The following CNTNAP2 variants were observed in gnomAD, a reference collection of about 807,000 sequenced individuals.
CNTNAP2 encodes the protein contactin-associated protein-like 2.
CNTNAP2 carries 98 observed loss-of-function variants against 155.2 expected under a neutral mutation model. The observed-to-expected ratio is 0.63, with a 90% confidence interval of 0.54 to 0.75. CNTNAP2 has a LOEUF of 0.75. CNTNAP2 is among the 30% of genes least tolerant of loss of function. The pLI, the probability that CNTNAP2 is intolerant of heterozygous loss-of-function variation, is 0.00. For synonymous variants in CNTNAP2, 651 were observed against 631.2 expected (o/e 1.03, Z -0.47); for missense variants, 1,727 against 1,688.1 (o/e 1.02, Z -0.40).
intron 15 of CNTNAP2, among the ~76,000 whole-genome samples, chr7:148,072,142 C>A (rs1191591828): frequency 6.6e-6 from 1 of 152,098 alleles, no homozygotes; most frequent in African/African-American, 2.4e-5. Flanking sequence ...TTCTTCATAT[C>A]CTCCCTCCTA....
intron 13 of CNTNAP2, among the ~76,000 whole-genome samples, chr7:147,789,910 C>T (rs962745708): frequency 6.6e-6 from 1 of 152,294 alleles, no homozygotes. Flanking sequence ...GGCTTTCCTA[C>T]TTTTGAAGTC....
At position 146,774,287 on chromosome 7, in the gene CNTNAP2, A is replaced by T; in HGVS notation, c.114A>T (p.Pro38=). ...APSTSQKCDE[P]LVSGLPHVAF... The stretch of plus-strand genomic sequence containing the variant: ...TGTTTTCAGAAAAATGTGATGAGCC[A>T]CTTGTCTCTGGACTCCCCCATGTGG... The change falls in exon 2 of 24, where the codon CCA becomes CCT. Residue 38 remains proline, a synonymous_variant. Transcript: ENST00000361727. 3 of 1,613,792 alleles carry T rather than the reference A, an allele frequency of 1.9e-6. No homozygotes were observed. The highest frequency in any genetic ancestry group is 2.5e-6 in the Non-Finnish European group (3 of 1,179,886).
At chr7:146,484,944 G>A (rs1584946745) in intron 1 of CNTNAP2, among the ~76,000 whole-genome samples, 4 of 151,924 alleles carry the variant, frequency 2.6e-5, no homozygotes, top group Admixed American at 2.0e-4. Context: ...GAAATTGATC[G>A]TGCTGATAAG....
At chr7:148,008,531 CTTTCCATGT>C in intron 15 of CNTNAP2, among the ~76,000 whole-genome samples, 1 of 152,316 alleles carries the variant, frequency 6.6e-6, no homozygotes, top group East Asian at 1.9e-4. Context: ...TGACATACTT[CTTTCCATGT>C]TTAGATCGGC....
intron 15 of CNTNAP2, among the ~76,000 whole-genome samples, chr7:148,031,653 T>C (rs4726913): frequency 0.33 from 49,790 of 152,066 alleles, 9,694 homozygotes; most frequent in East Asian, 0.77. Flanking sequence ...TACAGAAATG[T>C]TCGGCCCAGG....
intron 3 of CNTNAP2, among the ~76,000 whole-genome samples, chr7:146,937,526 T>C (rs1796945031): frequency 6.6e-6 from 1 of 152,156 alleles, no homozygotes; most frequent in South Asian, 2.1e-4. Context: ...TGGGTAGTGC[T>C]TTTCTCACAA....
intron 12 of CNTNAP2, among the ~76,000 whole-genome samples, chr7:147,590,930 C>G (rs1304003723): frequency 6.6e-6 from 1 of 152,180 alleles, no homozygotes; most frequent in African/African-American, 2.4e-5. Flanking sequence ...TACACCTCCT[C>G]CCCTGAGCTT....
chr7:146,319,098 G>A (rs1264351965), intron 1 of CNTNAP2, among the ~76,000 whole-genome samples: 4 of 152,020 alleles, frequency 2.6e-5, no homozygotes, highest in Admixed American at 6.6e-5. Flanking sequence ...TGTTGGTCTC[G>A]AATGCCTCAA....
intron 3 of CNTNAP2, among the ~76,000 whole-genome samples, chr7:146,970,154 G>A (rs561819088): frequency 2.6e-5 from 4 of 152,232 alleles, no homozygotes; most frequent in African/African-American, 7.2e-5. Context: ...GCATGGGCAA[G>A]GACTTCATGT....
At position 148,003,818 on chromosome 7, in the gene CNTNAP2, G is replaced by A. The variant is rs145827197; in HGVS notation, c.2383+25829G>A. Reference sequence around the variant, plus strand: ...GGGGTTTCACTAATTAAGATAAATAGACAATTAGCCTCTTGGCAGCAGAAG... The same window carrying A: ...GGGGTTTCACTAATTAAGATAAATAAACAATTAGCCTCTTGGCAGCAGAAG... On this transcript the variant is annotated intron_variant, in intron 15 of 23. Transcript: ENST00000361727. Among the ~76,000 whole-genome samples, 343 of 152,234 alleles carry A rather than the reference G, an allele frequency of 2.3e-3. 1 individual carries two copies. The highest frequency in any genetic ancestry group is 7.9e-3 in the African/African-American group (328 of 41,534).
chr7:147,315,264 A>G (rs1373454192), intron 9 of CNTNAP2, among the ~76,000 whole-genome samples: 1 of 133,322 alleles, frequency 7.5e-6, no homozygotes, highest in East Asian at 2.4e-4. Flanking sequence ...AAAATTCACC[A>G]TTTAAAGTGA....
intron 13 of CNTNAP2, among the ~76,000 whole-genome samples, chr7:147,866,286 G>C (rs992598525): frequency 3.9e-5 from 3 of 75,996 alleles, no homozygotes; most frequent in Non-Finnish European, 8.5e-5. Context: ...TGGTCTGAGA[G>C]ACTGTTGTCA....
chr7:146,518,885 A>C (rs1360223904), intron 1 of CNTNAP2, among the ~76,000 whole-genome samples: 1 of 151,828 alleles, frequency 6.6e-6, no homozygotes, highest in Non-Finnish European at 1.5e-5. Flanking sequence ...ACAAGACCAC[A>C]TGTTGGTGCT....
intron 2 of CNTNAP2, among the ~76,000 whole-genome samples, chr7:146,839,467 T>G (rs374197017): frequency 3.9e-4 from 59 of 152,262 alleles, no homozygotes; most frequent in Non-Finnish European, 6.3e-4. Context: ...TGAGGAATTA[T>G]GAAGACATTT....
chr7:146,244,375 A>G (rs1343779778), intron 1 of CNTNAP2, among the ~76,000 whole-genome samples: 2 of 151,326 alleles, frequency 1.3e-5, no homozygotes, highest in Admixed American at 6.6e-5. Context: ...GACACAAGAT[A>G]GTAGGAATGA....
chr7:146,357,592 C>A (rs56863910), intron 1 of CNTNAP2, among the ~76,000 whole-genome samples: 1 of 152,052 alleles, frequency 6.6e-6, no homozygotes, highest in South Asian at 2.1e-4. Flanking sequence ...AATGTTAATA[C>A]GGATATAGGA....
chr7:146,190,182 G>C lies in CNTNAP2; in HGVS notation c.97+73209G>C, dbSNP rs912197593. On this transcript the variant is annotated intron_variant, in intron 1 of 23. Transcript: ENST00000361727. ...GCGTTCGTTTGTTAATTAGGAGACTGAACATTCATTTCTACTGCCTTTTAT... is the reference window on the plus strand; with the variant it reads ...GCGTTCGTTTGTTAATTAGGAGACTCAACATTCATTTCTACTGCCTTTTAT... Among the ~76,000 whole-genome samples the C allele has an allele frequency of 3.3e-5, 5 of 152,174 alleles. No homozygotes were observed. In the South Asian group the frequency reaches 8.3e-4, roughly 25 times the overall value.
At chr7:147,102,282 G>GAAAAAAAAAAAAAAAAAAAA (rs555981471) in intron 4 of CNTNAP2, among the ~76,000 whole-genome samples, 2 of 110,592 alleles carry the variant, frequency 1.8e-5, no homozygotes, top group African/African-American at 3.5e-5. Flanking sequence ...TAGGCAAAAA[G>GAAAAAAAAAAAAAAAAAAAA]AAAAAAAAAA....
At chr7:146,144,680 T>A (rs1797932072) in intron 1 of CNTNAP2, among the ~76,000 whole-genome samples, 1 of 152,198 alleles carries the variant, frequency 6.6e-6, no homozygotes, top group East Asian at 1.9e-4. Flanking sequence ...ACTCATACTC[T>A]CATGTTAATT....
Sources: gnomAD v4.1 joint callset for allele counts (sites outside exome capture counted in the v4.1 genomes callset) on GRCh38, gnomAD v4.1.1 for gene constraint, MANE v1.5 for transcripts, NCBI Gene and HGNC (gene_info 2026-07-23, HGNC 2026-07-21) for gene names.